Variants in GRHL3 observed in about 807,000 individuals in gnomAD.
The protein encoded by GRHL3 is grainyhead like transcription factor 3, also known as grainyhead-like protein 3 homolog.
In GRHL3, 20 loss-of-function variants were observed where a neutral mutation model predicts 70.3. The observed-to-expected ratio is 0.28, with a 90% CI of 0.20 to 0.41. The LOEUF (loss-of-function observed/expected upper bound fraction) is 0.41. Ranked by LOEUF, GRHL3 falls within the 10% of genes least tolerant of loss-of-function variation. The pLI, the probability that GRHL3 is intolerant of heterozygous loss-of-function variation, is 1.00. For missense variants in GRHL3, 637 were observed against 762.3 expected, an observed-to-expected ratio of 0.84 and a Z score of 1.94; for synonymous variants, 299 against 299.9, an observed-to-expected ratio of 1.00 and a Z score of 0.03.
At chr1:24,329,800 C>G (rs934727467) in intron 1 of GRHL3, among the ~76,000 whole-genome samples, 6 of 152,192 alleles carry the variant, frequency 3.9e-5, no homozygotes, top group African/African-American at 7.2e-5. Flanking sequence ...CCAGTGCCCA[C>G]TTCATCTCTG....
downstream of GRHL3, among the ~76,000 whole-genome samples, chr1:24,355,703 G>A (rs1303751921): frequency 6.6e-6 from 1 of 152,164 alleles, no homozygotes; most frequent in Non-Finnish European, 1.5e-5. Flanking sequence ...GCCAAGCCAC[G>A]TTCCCTGCAG....
intron 11 of GRHL3, 145 bp from the exon 12 acceptor site, chr1:24,344,752 C>G: frequency 1.2e-6 from 1 of 858,428 alleles, no homozygotes. Context: ...GGGCACTTGT[C>G]TGAGCAGAAT....
intron 15 of GRHL3, chr1:24,361,159 G>T: frequency 2.1e-6 from 2 of 961,828 alleles, no homozygotes; most frequent in Non-Finnish European, 3.0e-6. Flanking sequence ...ACTGGTCACG[G>T]CACTGGGGCA....
chr1:24,322,488 G>C lies in GRHL3; in HGVS notation c.17+2920G>C, dbSNP rs944333237. ...GCACGAGGTGTGTTATTAAAAGTCG[G>C]AGCTACGCTGCTGCTGAATGAAAAG... is the stretch of plus-strand genomic sequence containing the variant. On this transcript the variant is annotated intron_variant, in intron 1 of 15. Transcript: ENST00000361548. The surrounding 1 kb of genome is among the most constrained non-coding windows in gnomAD (Gnocchi z 4.4). Among the ~76,000 whole-genome samples, 3 of 152,260 alleles carry C rather than the reference G, an allele frequency of 2.0e-5. No individual in the cohort carries two copies. Among genetic ancestry groups the C allele is most frequent in the Non-Finnish European group, 4.4e-5 (3 of 68,044 alleles).
In GRHL3 at chr1:24,347,544, G is replaced by A. The variant is rs748773129; in HGVS notation, c.1620G>A (p.Leu540=). ...LMLKTPDLKG[L]RNAISEKYGF... is the part of the protein sequence containing the mutation. ...TGAAGACCCCAGACCTGAAGGGGCT[G>A]AGGAATGCGGTAAGCTGCCTGTGGA... The change falls in exon 14 of 16, where the codon CTG becomes CTA. Residue 540 remains leucine (L), a synonymous_variant. Coordinates refer to ENST00000361548, the MANE Select transcript of GRHL3 (RefSeq NM_198173.3). 3.7e-6 allele frequency: 6 copies of A among 1,613,792 alleles called. No individual in the cohort carries two copies. The Admixed American group carries it at 6.7e-5, about 18-fold the overall frequency.
In GRHL3 at chr1:24,342,103, C is replaced by G; in HGVS notation, c.1048-12C>G. On this transcript the variant is annotated splice_polypyrimidine_tract_variant and intron_variant, in intron 8 of 15. Coordinates refer to ENST00000361548, the MANE Select transcript of GRHL3 (RefSeq NM_198173.3). The surrounding 1 kb of genome is among the most constrained non-coding windows in gnomAD (Gnocchi z 4.8). ...GGCAGGCCACTTACCCAGCGGCCCCCTCTGTCTCCAGGTGTTCATCGGCGT... is the reference window on the plus strand; with the variant it reads ...GGCAGGCCACTTACCCAGCGGCCCCGTCTGTCTCCAGGTGTTCATCGGCGT... 1.3e-6 allele frequency: 2 copies of G among 1,549,212 alleles called. No individual in the cohort carries two copies. The highest frequency in any genetic ancestry group is 2.5e-5 in the South Asian group (2 of 80,900).
chr1:24,359,613 G>A (rs1640961091), downstream of GRHL3, among the ~76,000 whole-genome samples: 1 of 152,130 alleles, frequency 6.6e-6, no homozygotes, highest in Non-Finnish European at 1.5e-5. The surrounding 1 kb of genome is among the most constrained non-coding windows in gnomAD (Gnocchi z 5.3). Context: ...ACCTGACTGT[G>A]GCCTCTGGGG....
chr1:24,360,131 G>A (rs1641001897), downstream of GRHL3, among the ~76,000 whole-genome samples: 1 of 152,194 alleles, frequency 6.6e-6, no homozygotes, highest in South Asian at 2.1e-4. Context: ...TAGACCAGTA[G>A]TTTAAATATT....
intron 13 of GRHL3, 136 bp from the exon 14 acceptor site, chr1:24,347,332 G>A (rs1321609748): frequency 3.2e-5 from 24 of 742,936 alleles, no homozygotes; most frequent in Admixed American, 2.7e-4. Flanking sequence ...CTGCAGAGCC[G>A]GCCAAAGGGC....
chr1:24,342,037 G>T lies in GRHL3; in HGVS notation c.1048-78G>T. 7.3e-7 allele frequency: 1 copy of T among 1,368,338 alleles called. No homozygotes were observed. The highest frequency in any genetic ancestry group is 1.6e-5 in the South Asian group (1 of 63,100). The allele number at this position is 1,368,338 out of a possible 1,614,324, so 84.8% of individuals were successfully genotyped here. ...TGAGCAGCAGGCACACAGAAAGCTA[G>T]AAATACAGGATCACTGTGGGACGGT... On this transcript the variant is annotated intron_variant, in intron 8 of 15. Coordinates refer to ENST00000361548, the MANE Select transcript of GRHL3 (RefSeq NM_198173.3). The surrounding 1 kb of genome is among the most constrained non-coding windows in gnomAD (Gnocchi z 4.8).
chr1:24,351,013 CCAGA>C (rs1640484254), intron 15 of GRHL3, among the ~76,000 whole-genome samples: 1 of 152,222 alleles, frequency 6.6e-6, no homozygotes, highest in South Asian at 2.1e-4. Context: ...CATAGGGCCC[CCAGA>C]CAGTGAGGAA....
intron 1 of GRHL3, among the ~76,000 whole-genome samples, chr1:24,327,071 GGAT>G (rs1294877906): frequency 6.6e-6 from 1 of 152,170 alleles, no homozygotes; most frequent in Non-Finnish European, 1.5e-5. Flanking sequence ...GGAGGTTCTG[GGAT>G]GATGATGGTG....
chr1:24,355,702 C>T (rs937722724), downstream of GRHL3, among the ~76,000 whole-genome samples: 2 of 152,184 alleles, frequency 1.3e-5, no homozygotes, highest in Admixed American at 6.5e-5. Flanking sequence ...GGCCAAGCCA[C>T]GTTCCCTGCA....
intron 6 of GRHL3, 77 bp downstream of exon 6, chr1:24,337,866 C>G: frequency 6.3e-7 from 1 of 1,593,942 alleles, no homozygotes; most frequent in Non-Finnish European, 8.6e-7. Flanking sequence ...GCCACGGACC[C>G]TGGGGAAAGG....
At chr1:24,324,079 C>T (rs573333321) in intron 1 of GRHL3, among the ~76,000 whole-genome samples, 10 of 152,166 alleles carry the variant, frequency 6.6e-5, no homozygotes, top group South Asian at 6.2e-4. Flanking sequence ...GTGGCACCCC[C>T]GGGTTTACAG....
intron 2 of GRHL3, among the ~76,000 whole-genome samples, chr1:24,332,360 G>A (rs993012857): frequency 1.3e-5 from 2 of 152,150 alleles, no homozygotes; most frequent in Admixed American, 1.3e-4. Flanking sequence ...GTCTCTGAGA[G>A]GCTGTCAGCT....
intron 1 of GRHL3, among the ~76,000 whole-genome samples, chr1:24,327,824 C>A (rs992742926): frequency 6.6e-6 from 1 of 152,160 alleles, no homozygotes; most frequent in Non-Finnish European, 1.5e-5. Context: ...TTTTCCCCCT[C>A]TCTCACCTAC....
At chr1:24,336,855 G>C in intron 4 of GRHL3, 28 bp downstream of exon 4, 1 of 1,504,592 alleles carries the variant, frequency 6.6e-7, no homozygotes, top group Non-Finnish European at 9.1e-7. Flanking sequence ...CTCCCCTATA[G>C]CATAGATATG....
Position 24,344,905 on chromosome 1 carries a change from C to G in GRHL3, c.1428C>G (p.Pro476=), listed in dbSNP as rs1185123540. The G allele has an allele frequency of 5.0e-6, 8 of 1,613,544 alleles. No homozygotes were observed. In the African/African-American group the frequency reaches 1.1e-4, roughly 22 times the overall value. ...SSLQRSGGAA[P]SAGPSSSNRL... ...TTTTCACTTCATTGCAGGCAGCCCCCTCGGCAGGACCCAGCAGCTCCAACA... is the reference window on the plus strand; with the variant it reads ...TTTTCACTTCATTGCAGGCAGCCCCGTCGGCAGGACCCAGCAGCTCCAACA... The change falls in exon 12 of 16, where the codon CCC becomes CCG. Residue 476 remains proline, a synonymous_variant. Coordinates refer to ENST00000361548, the MANE Select transcript of GRHL3 (RefSeq NM_198173.3).
Sources: gnomAD v4.1 joint callset for allele counts (sites outside exome capture counted in the v4.1 genomes callset) on GRCh38, gnomAD v4.1.1 for gene constraint, Gnocchi (gnomAD v3.1) non-coding constraint, MANE v1.5 for transcripts, NCBI Gene and HGNC (gene_info 2026-07-23, HGNC 2026-07-21) for gene names.